Variants in NCKAP5 observed in about 807,000 individuals in gnomAD.
NCKAP5 encodes NCK associated protein 5.
NCKAP5 carries 92 observed loss-of-function variants against 167.0 expected under a neutral mutation model. That is an observed-to-expected ratio of 0.55 (90% CI 0.47 to 0.66). The LOEUF (loss-of-function observed/expected upper bound fraction) is 0.66. Ranked by LOEUF, NCKAP5 falls within the 30% of genes least tolerant of loss-of-function variation. The pLI, the probability that NCKAP5 is intolerant of heterozygous loss-of-function variation, is 0.00. For synonymous variants in NCKAP5, 891 were observed against 877.4 expected, an observed-to-expected ratio of 1.02 and a Z score of -0.27; for missense variants, 2,378 against 2,315.0, an observed-to-expected ratio of 1.03 and a Z score of -0.56.
At chr2:133,452,918 TTAGA>T (rs1310239869) in intron 3 of NCKAP5, among the ~76,000 whole-genome samples, 8 of 152,196 alleles carry the variant, frequency 5.3e-5, no homozygotes, top group Middle Eastern at 3.2e-3. Context: ...ATTTATATTA[TTAGA>T]TAGTGAGCAA....
intron 11 of NCKAP5, among the ~76,000 whole-genome samples, chr2:132,859,667 C>A (rs373865989): frequency 6.6e-6 from 1 of 152,184 alleles, no homozygotes; most frequent in Non-Finnish European, 1.5e-5. Context: ...AGTGGTGGGC[C>A]GCCCTTTGCA....
chr2:133,619,334 A>T, the NCKAP5 span, among the ~76,000 whole-genome samples: 1 of 151,876 alleles, frequency 6.6e-6, no homozygotes, highest in Non-Finnish European at 1.5e-5. Flanking sequence ...TAAAAAATCA[A>T]AAATATGATA....
intron 4 of NCKAP5, among the ~76,000 whole-genome samples, chr2:133,217,947 T>G (rs1474006989): frequency 2.6e-5 from 4 of 152,056 alleles, no homozygotes; most frequent in Non-Finnish European, 5.9e-5. Flanking sequence ...ACCAGATAAA[T>G]ATGTGAGTAA....
At chr2:133,196,885 CAGA>C (rs892817230) in intron 5 of NCKAP5, among the ~76,000 whole-genome samples, 23 of 152,234 alleles carry the variant, frequency 1.5e-4, no homozygotes, top group African/African-American at 5.5e-4. Context: ...ATGGTGGCAG[CAGA>C]AGGATGGCAC....
chr2:133,652,404 C>G, the NCKAP5 span, among the ~76,000 whole-genome samples: 18 of 152,248 alleles, frequency 1.2e-4, no homozygotes, highest in East Asian at 3.5e-3. Flanking sequence ...AATGTAGTCA[C>G]GTACATAAAT....
chr2:132,783,508 C>T lies in NCKAP5; in HGVS notation c.3303G>A (p.Lys1101=). The part of the protein sequence containing the change: ...QLNDSASTPP[K]PSFLGVNESP... ...ACTCATTTACCCCTAAGAAGGAAGGCTTGGGGGGTGTGGAGGCGCTATCAT... is the reference window on the plus strand; with the variant it reads ...ACTCATTTACCCCTAAGAAGGAAGGTTTGGGGGGTGTGGAGGCGCTATCAT... Residue 1101 remains lysine, a synonymous_variant, in exon 14 of 20, where the codon AAG becomes AAA. Coordinates refer to ENST00000409261, the MANE Select transcript of NCKAP5 (RefSeq NM_207363.3). The T allele has an allele frequency of 9.9e-6, 16 of 1,611,498 alleles. No individual in the cohort carries two copies. The highest frequency in any genetic ancestry group is 1.4e-5 in the Non-Finnish European group (16 of 1,178,650).
chr2:133,605,551 A>C, the NCKAP5 span, among the ~76,000 whole-genome samples: 1 of 152,188 alleles, frequency 6.6e-6, no homozygotes, highest in East Asian at 1.9e-4. Context: ...AACTTGGTAG[A>C]ATAGCTTGAA....
chr2:132,909,099 C>A (rs1694232261), intron 8 of NCKAP5, among the ~76,000 whole-genome samples: 1 of 152,160 alleles, frequency 6.6e-6, no homozygotes, highest in South Asian at 2.1e-4. Flanking sequence ...GTAATCCCAG[C>A]ACATTGGGAG....
In NCKAP5 at chr2:133,544,466, T is replaced by C. The variant is rs145202390; in HGVS notation, c.-62+14584A>G. 2.7e-3 allele frequency among the ~76,000 whole-genome samples: 412 copies of C among 152,322 alleles called. 1 individual carries two copies. Among genetic ancestry groups the C allele is most frequent in the African/African-American group, 9.3e-3 (385 of 41,580 alleles). On this transcript the variant is annotated intron_variant, in intron 2 of 19. Coordinates refer to ENST00000409261, the MANE Select transcript of NCKAP5 (RefSeq NM_207363.3). ...CCTATTATACATATTTCTTGACAATTTGATTTTTTCCCCACTTAATAATAT... is the reference window on the plus strand; with the variant it reads ...CCTATTATACATATTTCTTGACAATCTGATTTTTTCCCCACTTAATAATAT...
intron 16 of NCKAP5, among the ~76,000 whole-genome samples, chr2:132,736,286 G>T (rs1020458220): frequency 6.6e-6 from 1 of 152,132 alleles, no homozygotes; most frequent in African/African-American, 2.4e-5. Context: ...GTTTCTTTAA[G>T]GCACAATTAG....
At chr2:133,303,275 A>AT (rs1211527248) in intron 3 of NCKAP5, among the ~76,000 whole-genome samples, 165 bp from the exon 4 acceptor site, 1 of 152,088 alleles carries the variant, frequency 6.6e-6, no homozygotes, top group African/African-American at 2.4e-5. Context: ...TGTAAATACT[A>AT]TTTTTTCATG....
intron 15 of NCKAP5, 53 bp from the exon 16 acceptor site, chr2:132,773,947 C>T: frequency 6.8e-7 from 1 of 1,465,716 alleles, no homozygotes; most frequent in Admixed American, 1.8e-5. Flanking sequence ...TAAAAAGATC[C>T]TTTTGCAATC....
chr2:133,470,777 G>C (rs112720492), intron 3 of NCKAP5, among the ~76,000 whole-genome samples: 4,358 of 152,296 alleles, frequency 0.029, 206 homozygotes, highest in African/African-American at 0.099. Flanking sequence ...CGATTTTCCA[G>C]GTGCTGTCCG....
At chr2:133,486,005 T>C (rs1680873078) in intron 3 of NCKAP5, among the ~76,000 whole-genome samples, 2 of 152,152 alleles carry the variant, frequency 1.3e-5, no homozygotes, top group East Asian at 1.9e-4. Flanking sequence ...TCCAGTCATG[T>C]AGTTAATTGG....
intron 4 of NCKAP5, among the ~76,000 whole-genome samples, chr2:133,279,405 T>C (rs1342894647): frequency 1.3e-5 from 2 of 152,232 alleles, no homozygotes; most frequent in East Asian, 3.8e-4. Context: ...GTTTGCTGAT[T>C]TGAACATTTT....
At chr2:133,384,136 C>T (rs1487652400) in intron 3 of NCKAP5, among the ~76,000 whole-genome samples, 2 of 152,186 alleles carry the variant, frequency 1.3e-5, no homozygotes, top group African/African-American at 4.8e-5. Flanking sequence ...TTGCCCATGC[C>T]TATGTCCTGA....
At chr2:133,473,152 T>C (rs1043831206) in intron 3 of NCKAP5, among the ~76,000 whole-genome samples, 2 of 151,980 alleles carry the variant, frequency 1.3e-5, no homozygotes, top group African/African-American at 4.8e-5. Flanking sequence ...GCCAAGATGG[T>C]GAAACCCCAT....
chr2:132,892,980 T>C (rs1692836124), intron 8 of NCKAP5, among the ~76,000 whole-genome samples: 1 of 142,358 alleles, frequency 7.0e-6, no homozygotes, highest in Admixed American at 7.2e-5. Flanking sequence ...TCTTGACCTC[T>C]GATCTATAAA....
chr2:133,501,027 A>G (rs17747958), intron 3 of NCKAP5, among the ~76,000 whole-genome samples: 9,829 of 152,226 alleles, frequency 0.065, 351 homozygotes, highest in South Asian at 0.16. Context: ...ATCCTGTGCT[A>G]GGCGCTTGAT....
Sources: gnomAD v4.1 joint callset for allele counts (sites outside exome capture counted in the v4.1 genomes callset) on GRCh38, gnomAD v4.1.1 for gene constraint, MANE v1.5 for transcripts, NCBI Gene and HGNC (gene_info 2026-07-23, HGNC 2026-07-21) for gene names.